ATF3: variants seen among roughly 807,000 people sequenced by gnomAD.
ATF3 encodes the protein activating transcription factor 3, also known as cyclic AMP-dependent transcription factor ATF-3.
A neutral mutation model predicts 18.4 loss-of-function variants in ATF3; 10 were observed. The observed-to-expected ratio is 0.54, with a 90% confidence interval of 0.34 to 0.92. The LOEUF is 0.92. ATF3 is among the 40% of genes least tolerant of loss of function. ATF3 has a pLI of 0.02. For synonymous variants in ATF3, 78 were observed against 87.9 expected (o/e 0.89, Z 0.63); for missense variants, 183 against 222.3 (o/e 0.82, Z 1.12).
chr1:212,582,203 A>T (rs973435451), intron 1 of ATF3, among the ~76,000 whole-genome samples: 1 of 152,250 alleles, frequency 6.6e-6, no homozygotes, highest in South Asian at 2.1e-4. Context: ...TCTGGAATTC[A>T]CACTTAACTG....
At chr1:212,566,664 G>A (rs1248569671) in intron 1 of ATF3, among the ~76,000 whole-genome samples, 2 of 152,152 alleles carry the variant, frequency 1.3e-5, no homozygotes, top group African/African-American at 2.4e-5. Flanking sequence ...CCCAGCAGCC[G>A]AGGAAGGGGA....
intron 1 of ATF3, among the ~76,000 whole-genome samples, chr1:212,597,411 A>ATAT (rs1364127061): frequency 6.2e-5 from 6 of 97,398 alleles, no homozygotes; most frequent in East Asian, 6.3e-4. Flanking sequence ...GTACTGAGTT[A>ATAT]CATCTATTTA....
At chr1:212,584,473 T>C (rs1330847335) in intron 1 of ATF3, among the ~76,000 whole-genome samples, 2 of 152,046 alleles carry the variant, frequency 1.3e-5, no homozygotes, top group East Asian at 3.9e-4. Context: ...TCAATTCAAG[T>C]CCAAAGGCAG....
Position 212,619,186 on chromosome 1 carries a change from G to T in ATF3, c.349-172G>T. 3 of 1,612,500 alleles carry T rather than the reference G, an allele frequency of 1.9e-6. No homozygotes were observed. The highest frequency in any genetic ancestry group is 1.7e-6 in the Non-Finnish European group (2 of 1,179,802). On this transcript the variant is annotated intron_variant, in intron 3 of 3. Transcript: ENST00000341491. The surrounding 1 kb of genome is among the most constrained non-coding windows in gnomAD (Gnocchi z 4.4). Reference sequence around the variant, plus strand: ...CACCAGGGTTTCTCTGAAGAAGAGGGTCTGCATTTTCCTAAACCCAGTGCT... The same window carrying T: ...CACCAGGGTTTCTCTGAAGAAGAGGTTCTGCATTTTCCTAAACCCAGTGCT...
At chr1:212,609,505 C>A (rs1330887742) in intron 1 of ATF3, among the ~76,000 whole-genome samples, 1 of 152,210 alleles carries the variant, frequency 6.6e-6, no homozygotes, top group Non-Finnish European at 1.5e-5. Flanking sequence ...CTGGGGGTCG[C>A]CCTGGGTACC....
rs57512671 is a variant in ATF3, at chr1:212,576,721, C to CTT, written c.-5+11261_-5+11262dup. On this transcript the variant is annotated intron_variant, in intron 1 of 3. Coordinates refer to the ATF3 transcript ENST00000366981. ...AAAAAATATTCTTTTCTTTTCTTTT[C>CTT]TTTTTTTTTTTTTTTTTTTTTTTTG... is the stretch of plus-strand genomic sequence containing the variant. Among the ~76,000 whole-genome samples, 140 of 57,292 alleles carry CTT rather than the reference C, an allele frequency of 2.4e-3. 7 individuals are homozygous for CTT. The highest frequency in any genetic ancestry group is 5.1e-3 in the East Asian group (9 of 1,760). The allele number at this position is 57,292 out of a possible 152,430, so 37.6% of individuals were successfully genotyped here. A position where few individuals can be genotyped will look rare whatever the true frequency, so the allele number is the denominator to read the frequency against.
At position 212,600,720 on chromosome 1, in the gene ATF3, C is replaced by T. The variant is rs138683778; in HGVS notation, c.-4-14298C>T. ...CCGTCCTGCCCCACTTTAGCCCTTG[C>T]TGCATCAGGCTGTAACTATTTGTTA... On this transcript the variant is annotated intron_variant, in intron 1 of 3. Coordinates refer to the ATF3 transcript ENST00000366981. Among the ~76,000 whole-genome samples the T allele has an allele frequency of 1.6e-3, 249 of 152,364 alleles. 1 individual carries two copies. The highest frequency in any genetic ancestry group is 2.8e-3 in the Non-Finnish European group (191 of 68,040).
chr1:212,607,674 G>A (rs992336677), upstream of ATF3, among the ~76,000 whole-genome samples: 1 of 152,194 alleles, frequency 6.6e-6, no homozygotes, highest in Non-Finnish European at 1.5e-5. Flanking sequence ...AAGAACACGT[G>A]AAAGCTGAAC....
At chr1:212,590,425 CAA>C (rs149105509) in intron 1 of ATF3, among the ~76,000 whole-genome samples, 3 of 147,214 alleles carry the variant, frequency 2.0e-5, no homozygotes, top group African/African-American at 7.5e-5. Context: ...TTAAAAACTG[CAA>C]AAAAAAAATG....
upstream of ATF3, among the ~76,000 whole-genome samples, chr1:212,608,440 G>T (rs1055122155): frequency 2.6e-5 from 4 of 152,256 alleles, no homozygotes; most frequent in East Asian, 7.7e-4. Context: ...CAGCGAGTAC[G>T]CACATCTGGC....
At chr1:212,604,469 C>T (rs534747680), upstream of ATF3, among the ~76,000 whole-genome samples, 1 of 152,166 alleles carries the variant, frequency 6.6e-6, no homozygotes, top group African/African-American at 2.4e-5. Context: ...GGGTGTTCTG[C>T]CACATCCCTC....
chr1:212,600,806 C>G (rs572091063), intron 1 of ATF3, among the ~76,000 whole-genome samples: 1 of 152,296 alleles, frequency 6.6e-6, no homozygotes, highest in East Asian at 1.9e-4. Context: ...CACTGTGTAC[C>G]TGCAGCTTCT....
At chr1:212,595,771 C>T (rs913432635) in intron 1 of ATF3, among the ~76,000 whole-genome samples, 1 of 152,212 alleles carries the variant, frequency 6.6e-6, no homozygotes, top group Non-Finnish European at 1.5e-5. Context: ...ACTCAACATT[C>T]TTAATAATTT....
upstream of ATF3, among the ~76,000 whole-genome samples, chr1:212,606,055 T>G (rs1172923226): frequency 6.6e-6 from 1 of 152,196 alleles, no homozygotes; most frequent in African/African-American, 2.4e-5. Context: ...CACTGGACAT[T>G]GGTGGCATTA....
At chr1:212,592,321 T>C (rs1245979549) in intron 1 of ATF3, among the ~76,000 whole-genome samples, 1 of 152,116 alleles carries the variant, frequency 6.6e-6, no homozygotes, top group African/African-American at 2.4e-5. Flanking sequence ...TTTTAAAGAC[T>C]GATAAGGGCT....
intron 1 of ATF3, among the ~76,000 whole-genome samples, chr1:212,577,107 AAATTCTTT>A: frequency 6.6e-6 from 1 of 152,170 alleles, no homozygotes. Flanking sequence ...TGGATGCCTG[AAATTCTTT>A]ATTTTTCAGG....
At chr1:212,600,471 G>A (rs191158978) in intron 1 of ATF3, among the ~76,000 whole-genome samples, 8 of 152,332 alleles carry the variant, frequency 5.3e-5, no homozygotes, top group Non-Finnish European at 1.2e-4. Context: ...CACTGAATGC[G>A]TATTCACTGT....
intron 2 of ATF3, among the ~76,000 whole-genome samples, chr1:212,617,029 A>G (rs1016919242): frequency 2.0e-5 from 3 of 152,132 alleles, no homozygotes; most frequent in Admixed American, 6.5e-5. Flanking sequence ...GCTAGAGATA[A>G]TAGAGTTGGA....
At chr1:212,604,671 C>A (rs1287262071), upstream of ATF3, among the ~76,000 whole-genome samples, 1 of 152,174 alleles carries the variant, frequency 6.6e-6, no homozygotes, top group Admixed American at 6.5e-5. Context: ...CCCCATCTCT[C>A]TTAGGGAAAG....
Sources: allele counts gnomAD v4.1 joint callset (sites outside exome capture counted in the v4.1 genomes callset), GRCh38; gene constraint gnomAD v4.1.1; non-coding constraint Gnocchi (gnomAD v3.1); transcripts MANE v1.5; gene names NCBI Gene and HGNC (gene_info 2026-07-23, HGNC 2026-07-21).